AK5: variants seen among roughly 807,000 people sequenced by gnomAD.
AK5 encodes the protein adenylate kinase isoenzyme 5.
A neutral mutation model predicts 69.5 loss-of-function variants in AK5; 27 were observed. The observed-to-expected ratio is 0.39, with a 90% CI of 0.29 to 0.54. AK5 has a LOEUF of 0.54. Ranked by LOEUF, AK5 falls within the 20% of genes least tolerant of loss-of-function variation. The pLI is 0.71. For synonymous variants in AK5, 260 were observed against 244.4 expected (o/e 1.06, Z -0.60); for missense variants, 531 against 700.4 (o/e 0.76, Z 2.73).
intron 13 of AK5, among the ~76,000 whole-genome samples, chr1:77,552,892 T>G (rs1659887503): frequency 6.6e-6 from 1 of 151,944 alleles, no homozygotes; most frequent in African/African-American, 2.4e-5. Context: ...TACAAAAAAT[T>G]AGCTGGGCAT....
chr1:77,383,186 T>C (rs1647770907), intron 6 of AK5, among the ~76,000 whole-genome samples: 1 of 152,194 alleles, frequency 6.6e-6, no homozygotes, highest in Admixed American at 6.5e-5. Context: ...AAGTAAAGTT[T>C]AAGCATAAAA....
intron 13 of AK5, among the ~76,000 whole-genome samples, chr1:77,556,742 C>T (rs1055370507): frequency 6.6e-6 from 1 of 152,154 alleles, no homozygotes; most frequent in Non-Finnish European, 1.5e-5. Context: ...AATAGGTAGA[C>T]AAGAGTCTCA....
At chr1:77,458,588 G>A (rs976384000) in intron 8 of AK5, among the ~76,000 whole-genome samples, 7 of 152,196 alleles carry the variant, frequency 4.6e-5, no homozygotes, top group Non-Finnish European at 1.0e-4. Context: ...AGCAAGTCAC[G>A]TCTTATGTGG....
intron 10 of AK5, among the ~76,000 whole-genome samples, chr1:77,518,090 A>AT (rs1306078026): frequency 6.6e-6 from 1 of 152,156 alleles, no homozygotes; most frequent in East Asian, 1.9e-4. Flanking sequence ...AAAAACACTT[A>AT]TTTTTTTAAA....
At chr1:77,444,307 ATACACAATATATGTGTATATATATAGT>A (rs1652558665) in intron 8 of AK5, among the ~76,000 whole-genome samples, 4 of 78,228 alleles carry the variant, frequency 5.1e-5, no homozygotes, top group Admixed American at 1.7e-4. Flanking sequence ...TATAGTATAT[ATACACAATATATGTGTATATATATAGT>A]ATATATACAC....
At chr1:77,438,798 A>G (rs1457585802) in intron 8 of AK5, among the ~76,000 whole-genome samples, 3 of 152,192 alleles carry the variant, frequency 2.0e-5, no homozygotes. Flanking sequence ...TACACGTTCT[A>G]TAAAAACCAG....
At chr1:77,364,267 C>G (rs2100445908) in intron 6 of AK5, among the ~76,000 whole-genome samples, 1 of 152,138 alleles carries the variant, frequency 6.6e-6, no homozygotes, top group East Asian at 1.9e-4. Flanking sequence ...AATAATTGTA[C>G]ATATTTATGG....
intron 5 of AK5, among the ~76,000 whole-genome samples, chr1:77,304,673 G>A (rs1659539703): frequency 6.6e-6 from 1 of 152,170 alleles, no homozygotes; most frequent in Admixed American, 6.5e-5. Context: ...CCAAAGTGCT[G>A]GGATTACAGG....
chr1:77,522,381 C>T (rs1012513496), intron 12 of AK5, among the ~76,000 whole-genome samples: 6 of 151,990 alleles, frequency 3.9e-5, no homozygotes, highest in Admixed American at 6.6e-5. Context: ...TTACTGAGGC[C>T]GAGAGGGAAG....
Position 77,417,725 on chromosome 1 carries a change from A to G in AK5, c.1059+10A>G, listed in dbSNP as rs1259742448. ...TGATTATGAAGATCAGGTAATTAAAATCTGAAAATAGTTCTCTATTTAAAT... is the reference window on the plus strand; with the variant it reads ...TGATTATGAAGATCAGGTAATTAAAGTCTGAAAATAGTTCTCTATTTAAAT... On this transcript the variant is annotated intron_variant, in intron 8 of 13. Transcript: ENST00000354567. The G allele has an allele frequency of 6.6e-7, 1 of 1,523,296 alleles. No homozygotes were observed. The highest frequency in any genetic ancestry group is 9.1e-7 in the Non-Finnish European group (1 of 1,103,806). 94.4% of individuals were successfully genotyped at this position (1,523,296 alleles called of 1,614,324 possible).
chr1:77,307,590 T>C (rs982367502), intron 5 of AK5, among the ~76,000 whole-genome samples: 5 of 152,342 alleles, frequency 3.3e-5, no homozygotes, highest in Admixed American at 6.5e-5. Context: ...AGCTCTTAGA[T>C]GAAATGCTCT....
At chr1:77,298,305 T>C (rs1167205) in intron 5 of AK5, among the ~76,000 whole-genome samples, 134,537 of 152,022 alleles carry the variant, frequency 0.88, 59,885 homozygotes, top group Middle Eastern at 0.97. Flanking sequence ...CCTGTACTTA[T>C]ATTCATGCCA....
chr1:77,360,861 A>G (rs867408215), intron 6 of AK5, among the ~76,000 whole-genome samples: 14 of 152,220 alleles, frequency 9.2e-5, no homozygotes, highest in Admixed American at 5.9e-4. Flanking sequence ...ATCAAACATG[A>G]ACAAGATAAA....
At chr1:77,340,250 A>G (rs1661578055) in intron 5 of AK5, 127 bp from the exon 6 acceptor site, 1 of 865,410 alleles carries the variant, frequency 1.2e-6, no homozygotes, top group Admixed American at 2.5e-5. Context: ...CTGGAAATAC[A>G]CTGTCAAAAA....
chr1:77,506,654 T>C (rs1657049773), intron 10 of AK5, among the ~76,000 whole-genome samples: 1 of 152,172 alleles, frequency 6.6e-6, no homozygotes, highest in Admixed American at 6.5e-5. Context: ...TGTAAAATCA[T>C]AGAGTGTTAG....
intron 6 of AK5, among the ~76,000 whole-genome samples, chr1:77,354,528 T>G (rs931442576): frequency 6.6e-6 from 1 of 152,242 alleles, no homozygotes; most frequent in Non-Finnish European, 1.5e-5. Context: ...AGTGCCAGAC[T>G]GTAGTGGGTG....
chr1:77,385,674 A>C (rs981189578), intron 6 of AK5, among the ~76,000 whole-genome samples: 1 of 152,352 alleles, frequency 6.6e-6, no homozygotes, highest in Non-Finnish European at 1.5e-5. Flanking sequence ...ATGAACCTGG[A>C]AGAAATGGAG....
intron 6 of AK5, among the ~76,000 whole-genome samples, chr1:77,402,951 G>A (rs1349640153): frequency 1.3e-5 from 2 of 151,994 alleles, no homozygotes; most frequent in East Asian, 3.9e-4. Context: ...ATCCTCTCCA[G>A]CACCTGTTGT....
At chr1:77,404,782 A>T (rs1307677932) in intron 6 of AK5, among the ~76,000 whole-genome samples, 1 of 152,168 alleles carries the variant, frequency 6.6e-6, no homozygotes, top group Non-Finnish European at 1.5e-5. Context: ...TCATGGCTCT[A>T]CGTTTGTATG....
Sources: allele counts gnomAD v4.1 joint callset (sites outside exome capture counted in the v4.1 genomes callset), GRCh38; gene constraint gnomAD v4.1.1; transcripts MANE v1.5; gene names NCBI Gene and HGNC (gene_info 2026-07-23, HGNC 2026-07-21).